PLSCR5: variants seen among roughly 807,000 people sequenced by gnomAD.
PLSCR5 encodes phospholipid scramblase family, member 5.
PLSCR5 carries 44 observed loss-of-function variants against 33.6 expected under a neutral mutation model. The ratio of observed to expected loss-of-function variants is 1.31; its 90% CI spans 1.03 to 1.69. The LOEUF (loss-of-function observed/expected upper bound fraction) is 1.69, where lower values mean the gene tolerates loss of function less well. PLSCR5 is among the 40% of genes most tolerant of loss of function. The pLI, the probability that PLSCR5 is intolerant of heterozygous loss-of-function variation, is 0.00. For missense variants in PLSCR5, 375 were observed against 318.7 expected (o/e 1.18, Z -1.34); for synonymous variants, 148 against 112.3 (o/e 1.32, Z -2.01).
At chr3:146,596,692 G>C (rs2044764371) in intron 2 of PLSCR5, among the ~76,000 whole-genome samples, 1 of 152,074 alleles carries the variant, frequency 6.6e-6, no homozygotes, top group Non-Finnish European at 1.5e-5. Context: ...ACTAAAATTT[G>C]GTATTGATTG....
chr3:146,578,803 T>C (rs1357592320), intron 7 of PLSCR5, among the ~76,000 whole-genome samples: 2 of 152,110 alleles, frequency 1.3e-5, no homozygotes, highest in African/African-American at 4.8e-5. Flanking sequence ...AAATCTCTTA[T>C]AGTTCCATTG....
rs1170556618 is a variant in PLSCR5, at chr3:146,580,454, C to CTTTT, written c.*45-3733_*45-3730dup. 4.6e-4 allele frequency among the ~76,000 whole-genome samples: 28 copies of CTTTT among 60,556 alleles called. 3 individuals are homozygous for CTTTT. The highest frequency in any genetic ancestry group is 8.7e-4 in the African/African-American group (12 of 13,800). 39.7% of individuals were successfully genotyped at this position (60,556 alleles called of 152,430 possible). A position where few individuals can be genotyped will look rare whatever the true frequency, so the allele number is the denominator to read the frequency against. On this transcript the variant is annotated intron_variant, in intron 7 of 7. Transcript: ENST00000482567. Reference sequence around the variant, plus strand: ...TCTTGACTCAGAGCCTTTGAATTTGCTTTTTTTTTTTTTTTTTTTTTTTTT... The same window carrying CTTTT: ...TCTTGACTCAGAGCCTTTGAATTTGCTTTTTTTTTTTTTTTTTTTTTTTTTTTTT...
chr3:146,595,911 T>G (rs1208646229), intron 2 of PLSCR5, among the ~76,000 whole-genome samples: 1 of 152,212 alleles, frequency 6.6e-6, no homozygotes, highest in East Asian at 1.9e-4. Flanking sequence ...GAAAGGTTAT[T>G]GTATACATTT....
At chr3:146,579,131 A>G (rs1051827526) in intron 7 of PLSCR5, among the ~76,000 whole-genome samples, 2 of 152,104 alleles carry the variant, frequency 1.3e-5, no homozygotes, top group African/African-American at 4.8e-5. Flanking sequence ...TAATGGCAAA[A>G]ATTTCACAGC....
At chr3:146,579,043 T>G (rs1366629415) in intron 7 of PLSCR5, among the ~76,000 whole-genome samples, 1 of 152,218 alleles carries the variant, frequency 6.6e-6, no homozygotes, top group Non-Finnish European at 1.5e-5. Context: ...TATTTAAATA[T>G]GTGATGCCTA....
intron 1 of PLSCR5, among the ~76,000 whole-genome samples, chr3:146,602,151 A>T (rs1400598489): frequency 3.3e-5 from 5 of 152,080 alleles, no homozygotes; most frequent in African/African-American, 1.2e-4. Context: ...AACTTCTCAC[A>T]CATCTGGGGC....
chr3:146,594,070 T>G lies in PLSCR5; in HGVS notation c.303A>C (p.Ala101=). 1 of 1,613,832 alleles carries G rather than the reference T, an allele frequency of 6.2e-7. No individual in the cohort carries two copies. Among genetic ancestry groups the G allele is most frequent in the Non-Finnish European group, 8.5e-7 (1 of 1,179,800 alleles). ...KNSLGQRIYF[A]VEESICFNRT... is the part of the protein sequence containing the mutation. ...GATTGAAGCAGATGCTTTCCTCCACTGCAAAGTAAATTCTTTGTCCCAAGC... is the reference window on the plus strand; with the variant it reads ...GATTGAAGCAGATGCTTTCCTCCACGGCAAAGTAAATTCTTTGTCCCAAGC... The change falls in exon 4 of 8, where the codon GCA becomes GCC. Residue 101 remains alanine (A), a synonymous_variant. Transcript: ENST00000443512.
At chr3:146,582,357 G>C (rs1370571575), downstream of PLSCR5, among the ~76,000 whole-genome samples, 1 of 152,186 alleles carries the variant, frequency 6.6e-6, no homozygotes, top group African/African-American at 2.4e-5. Flanking sequence ...TGTGCAGTAA[G>C]GGGAACAAAG....
At chr3:146,589,563 A>G (rs1209214523) in intron 6 of PLSCR5, 90 bp downstream of exon 6, 3 of 1,213,430 alleles carry the variant, frequency 2.5e-6, no homozygotes, top group Non-Finnish European at 3.3e-6. Flanking sequence ...CTTTGGGGGT[A>G]AAAACTGTGT....
At chr3:146,588,202 G>A (rs545741293) in intron 6 of PLSCR5, among the ~76,000 whole-genome samples, 103 of 152,224 alleles carry the variant, frequency 6.8e-4, no homozygotes, top group African/African-American at 2.4e-3. Context: ...TGGGCAAGGT[G>A]GCTCACACCT....
chr3:146,593,373 G>A (rs1469488899), intron 4 of PLSCR5, among the ~76,000 whole-genome samples: 1 of 152,070 alleles, frequency 6.6e-6, no homozygotes, highest in African/African-American at 2.4e-5. Flanking sequence ...TATTACAGGT[G>A]TACTAAATAA....
At chr3:146,582,932 C>G (rs145106670), downstream of PLSCR5, among the ~76,000 whole-genome samples, 2 of 152,260 alleles carry the variant, frequency 1.3e-5, no homozygotes, top group Admixed American at 6.5e-5. Flanking sequence ...CCTAGACCAG[C>G]AACTCCTCTG....
At chr3:146,602,427 A>G (rs186891719) in intron 1 of PLSCR5, among the ~76,000 whole-genome samples, 11 of 152,276 alleles carry the variant, frequency 7.2e-5, no homozygotes, top group African/African-American at 2.6e-4. Context: ...CTAGTTCACA[A>G]TGATAAAATC....
At chr3:146,585,436 C>A (rs569092561), downstream of PLSCR5, among the ~76,000 whole-genome samples, 22 of 152,196 alleles carry the variant, frequency 1.4e-4, no homozygotes, top group African/African-American at 5.3e-4. Context: ...TGGAATGTAA[C>A]TGTGCCTCTT....
At chr3:146,598,912 G>C (rs2044785992) in intron 2 of PLSCR5, among the ~76,000 whole-genome samples, 1 of 152,196 alleles carries the variant, frequency 6.6e-6, no homozygotes, top group African/African-American at 2.4e-5. Flanking sequence ...ATTTTCCCAG[G>C]AACATATGCT....
chr3:146,605,089 A>G, intron 1 of PLSCR5, 111 bp downstream of exon 1: 1 of 1,122,390 alleles, frequency 8.9e-7, no homozygotes, highest in Non-Finnish European at 1.2e-6. Context: ...TTCAAAAGTG[A>G]CAAATGACAG....
chr3:146,595,063 G>A lies in PLSCR5; in HGVS notation c.210C>T (p.His70=), dbSNP rs2044747466. 2.8e-6 allele frequency: 4 copies of A among 1,433,062 alleles called. No homozygotes were observed. Among genetic ancestry groups the A allele is most frequent in the African/African-American group, 2.9e-5 (2 of 69,816 alleles). 88.8% of individuals were successfully genotyped at this position (1,433,062 alleles called of 1,614,324 possible). Residue 70 remains histidine, a synonymous_variant, in exon 3 of 8, where the codon CAC becomes CAT. Transcript: ENST00000443512. ...YLSQLDLIII[H]QQVELLGMIL... The stretch of plus-strand genomic sequence containing the variant: ...TACTTCCAAGCAGCTCCACCTGCTG[G>A]TGTATAATTATCAGGTCTAACTGTA...
At chr3:146,604,843 G>T (rs78125744) in intron 1 of PLSCR5, among the ~76,000 whole-genome samples, 2,323 of 152,130 alleles carry the variant, frequency 0.015, 51 homozygotes, top group African/African-American at 0.054. Context: ...TCTAACTTAT[G>T]TGTGAAAAGT....
chr3:146,577,788 A>G (rs1048123015), intron 7 of PLSCR5, among the ~76,000 whole-genome samples: 8 of 152,180 alleles, frequency 5.3e-5, no homozygotes, highest in African/African-American at 1.7e-4. Flanking sequence ...TACAGAAAGA[A>G]CAAAATGAAT....
Sources: allele counts gnomAD v4.1 joint callset (sites outside exome capture counted in the v4.1 genomes callset), GRCh38; gene constraint gnomAD v4.1.1; transcripts MANE v1.5; gene names NCBI Gene and HGNC (gene_info 2026-07-23, HGNC 2026-07-21).